Variants in PRKAG2 observed in about 807,000 individuals in gnomAD.
PRKAG2 encodes the protein 5'-AMP-activated protein kinase subunit gamma-2.
A neutral mutation model predicts 69.6 loss-of-function variants in PRKAG2; 26 were observed. The observed-to-expected ratio is 0.37, with a 90% CI of 0.27 to 0.52. The LOEUF (loss-of-function observed/expected upper bound fraction) is 0.52, where lower values mean the gene tolerates loss of function less well. Ranked by LOEUF, PRKAG2 falls within the 20% of genes least tolerant of loss-of-function variation. The pLI, the probability that PRKAG2 is intolerant of heterozygous loss-of-function variation, is 0.90. For synonymous variants in PRKAG2, 293 were observed against 285.0 expected, an observed-to-expected ratio of 1.03 and a Z score of -0.28; for missense variants, 557 against 740.0, an observed-to-expected ratio of 0.75 and a Z score of 2.87.
intron 6 of PRKAG2, among the ~76,000 whole-genome samples, chr7:151,585,862 G>A (rs974447137): frequency 1.3e-5 from 2 of 152,244 alleles, no homozygotes; most frequent in Non-Finnish European, 2.9e-5. Context: ...AGTACAGGAA[G>A]GGAGGAAGGA....
chr7:151,786,684 C>T, intron 1 of PRKAG2, 143 bp from the exon 2 acceptor site: 1 of 715,804 alleles, frequency 1.4e-6, no homozygotes, highest in Non-Finnish European at 2.4e-6. Context: ...GACGTGTTTG[C>T]TACACCCAGC....
chr7:151,872,784 C>T (rs573526202), intron 1 of PRKAG2, among the ~76,000 whole-genome samples: 28 of 152,266 alleles, frequency 1.8e-4, no homozygotes, highest in African/African-American at 6.5e-4. Flanking sequence ...GAGGGAGACA[C>T]GAGTAAGAGG....
At chr7:151,625,598 G>A (rs1245109364) in intron 5 of PRKAG2, among the ~76,000 whole-genome samples, 2 of 152,200 alleles carry the variant, frequency 1.3e-5, no homozygotes, top group Non-Finnish European at 1.5e-5. Flanking sequence ...CTGCTGGAAC[G>A]GTCCATAGGA....
chr7:151,852,432 T>C (rs185915993), intron 1 of PRKAG2, among the ~76,000 whole-genome samples: 8 of 151,568 alleles, frequency 5.3e-5, no homozygotes, highest in African/African-American at 1.9e-4. Context: ...GGGGTGGAGG[T>C]TGCAGTGAGT....
intron 3 of PRKAG2, among the ~76,000 whole-genome samples, chr7:151,694,060 G>A (rs1475490546): frequency 6.6e-6 from 1 of 152,178 alleles, no homozygotes; most frequent in East Asian, 1.9e-4. Flanking sequence ...TTTTAGTAGA[G>A]ACAGGGTTTT....
chr7:151,745,415 G>A (rs972809753), intron 3 of PRKAG2, among the ~76,000 whole-genome samples: 5 of 152,138 alleles, frequency 3.3e-5, no homozygotes, highest in South Asian at 2.1e-4. Context: ...GGGCCTCCAC[G>A]CCCTGCCCCA....
intron 4 of PRKAG2, among the ~76,000 whole-genome samples, chr7:151,644,607 A>G (rs900880364): frequency 6.6e-6 from 1 of 152,184 alleles, no homozygotes; most frequent in Non-Finnish European, 1.5e-5. Flanking sequence ...GACATGTGGG[A>G]TATTTTCACT....
intron 5 of PRKAG2, among the ~76,000 whole-genome samples, chr7:151,605,936 C>CAAAAAAAAAAAAAAAAA (rs560080587): frequency 2.5e-4 from 23 of 91,040 alleles, no homozygotes; most frequent in African/African-American, 8.5e-4. Flanking sequence ...GACTCCGTCT[C>CAAAAAAAAAAAAAAAAA]AAAAAAAAAA....
chr7:151,576,849 A>G (rs1179278142), intron 6 of PRKAG2, among the ~76,000 whole-genome samples: 4 of 152,198 alleles, frequency 2.6e-5, no homozygotes, highest in Non-Finnish European at 5.9e-5. Context: ...GTTATCTTCC[A>G]TAATAAGTTT....
At chr7:151,856,761 T>C (rs1293594127) in intron 1 of PRKAG2, among the ~76,000 whole-genome samples, 2 of 152,120 alleles carry the variant, frequency 1.3e-5, no homozygotes, top group African/African-American at 2.4e-5. Context: ...CACGGTCACC[T>C]GTGCCTCATC....
intron 3 of PRKAG2, among the ~76,000 whole-genome samples, chr7:151,741,799 T>C (rs1182433525): frequency 6.6e-6 from 1 of 152,248 alleles, no homozygotes; most frequent in Admixed American, 6.5e-5. Flanking sequence ...TAAATGGTCA[T>C]TCATTCAACA....
intron 3 of PRKAG2, among the ~76,000 whole-genome samples, chr7:151,678,619 C>T (rs746033479): frequency 1.4e-4 from 21 of 152,010 alleles, no homozygotes; most frequent in Non-Finnish European, 2.5e-4. Flanking sequence ...GGGTTAGGAC[C>T]CGAAACTTAA....
intron 1 of PRKAG2, among the ~76,000 whole-genome samples, chr7:151,797,824 C>T (rs924309798): frequency 2.6e-5 from 4 of 152,188 alleles, no homozygotes; most frequent in African/African-American, 4.8e-5. Flanking sequence ...CGGCCACTCC[C>T]GCAGCATCTG....
chr7:151,748,652 T>G (rs2074454962), intron 3 of PRKAG2, among the ~76,000 whole-genome samples: 1 of 152,148 alleles, frequency 6.6e-6, no homozygotes, highest in South Asian at 2.1e-4. Context: ...CACTGAAAAT[T>G]AAAATGTAAA....
intron 2 of PRKAG2, among the ~76,000 whole-genome samples, chr7:151,783,728 T>C (rs116106177): frequency 0.039 from 5,856 of 151,442 alleles, 233 homozygotes; most frequent in East Asian, 0.22. Context: ...CTGGGCAACA[T>C]GGCAAAACCC....
intron 1 of PRKAG2, among the ~76,000 whole-genome samples, chr7:151,866,054 G>A (rs529971559): frequency 4.9e-4 from 75 of 152,042 alleles, no homozygotes; most frequent in African/African-American, 1.8e-3. Flanking sequence ...AAAGAAAGTG[G>A]AGAAGACAGG....
intron 1 of PRKAG2, among the ~76,000 whole-genome samples, chr7:151,859,252 G>A (rs79452285): frequency 0.048 from 7,309 of 152,314 alleles, 635 homozygotes; most frequent in East Asian, 0.39. Flanking sequence ...CGCGGGGAAC[G>A]GCGTCAGACG....
intron 5 of PRKAG2, among the ~76,000 whole-genome samples, chr7:151,598,329 T>C (rs1279480471): frequency 2.0e-5 from 3 of 152,124 alleles, no homozygotes; most frequent in African/African-American, 7.2e-5. Context: ...GAGGAGAGGT[T>C]GGTCAGTTAC....
rs559232779 is a variant in PRKAG2, at chr7:151,845,006, C to T, written c.114+31501G>A. Among the ~76,000 whole-genome samples, 6 of 152,164 alleles carry T rather than the reference C, an allele frequency of 3.9e-5. No individual in the cohort carries two copies. In the South Asian group the frequency reaches 1.0e-3, roughly 26 times the overall value. On this transcript the variant is annotated intron_variant, in intron 1 of 15. Transcript: ENST00000287878. ...TCGGTGCTGTTGAAAAGAGTGTATG[C>T]GGAGCTCCAGGGATGGCGGCAGGCA...
Sources: gnomAD v4.1 joint callset for allele counts (sites outside exome capture counted in the v4.1 genomes callset) on GRCh38, gnomAD v4.1.1 for gene constraint, MANE v1.5 for transcripts, NCBI Gene and HGNC (gene_info 2026-07-23, HGNC 2026-07-21) for gene names.